RPS12: variants seen among roughly 807,000 people sequenced by gnomAD.
The protein encoded by RPS12 is ribosomal protein S12.
A neutral mutation model predicts 17.2 loss-of-function variants in RPS12; 1 was observed. The ratio of observed to expected loss-of-function variants is 0.06; its 90% CI spans 0.02 to 0.28. RPS12 has a LOEUF of 0.28. Among genes scored for constraint, RPS12 ranks in the 10% least tolerant of loss-of-function variants. The probability of loss-of-function intolerance (pLI) is 1.00; values close to 1 mark genes in which losing one functional copy is unlikely to be tolerated. For missense variants in RPS12, 146 were observed against 162.1 expected (o/e 0.90, Z 0.54); for synonymous variants, 67 against 54.0 (o/e 1.24, Z -1.06).
At position 132,815,036 on chromosome 6, in the gene RPS12, A is replaced by T; in HGVS notation, c.79A>T (p.Ile27Phe). 6.2e-7 allele frequency: 1 copy of T among 1,613,876 alleles called. No individual in the cohort carries two copies. Residue 27 changes from isoleucine (I) to phenylalanine (F), a missense_variant, in exon 3 of 6, where the codon ATC becomes TTC. Around this residue, in one of 2 missense-constraint regions of RPS12, gnomAD observed 117 missense variants for 104.6 expected, o/e 1.12. Coordinates refer to ENST00000230050, the MANE Select transcript of RPS12 (RefSeq NM_001016.4). ...ACAAGAGGTTCTGAAGACTGCCCTC[A>T]TCCACGATGGCCTAGCACGTGGAAT... ...ALQEVLKTALIHDGLARGIRE... is the reference protein window; with the variant it reads ...ALQEVLKTALFHDGLARGIRE...
chr6:132,814,887 C>A, intron 2 of RPS12, 85 bp from the exon 3 acceptor site: 1 of 1,404,942 alleles, frequency 7.1e-7, no homozygotes, highest in Admixed American at 1.7e-5. Context: ...GTAAGCGCGT[C>A]TGTTGTACAC....
At chr6:132,815,905 C>T (rs1230829899) in intron 3 of RPS12, 5 of 452,290 alleles carry the variant, frequency 1.1e-5, no homozygotes, top group African/African-American at 2.0e-5. Context: ...TGCAGTGGCG[C>T]GATCTCATTG....
In RPS12 at chr6:132,814,579, G is replaced by A. The variant is rs1037709887; in HGVS notation, c.-72G>A. ...GCGTGCGGATGAGGCCTCTTTCCCT[G>A]CCGCCGCCGAGTCGCGCGGAGGCGG... On this transcript the variant is annotated 5_prime_UTR_variant, in exon 1 of 6. Coordinates refer to ENST00000230050, the MANE Select transcript of RPS12 (RefSeq NM_001016.4). The A allele has an allele frequency of 9.3e-6, 7 of 755,534 alleles. No individual in the cohort carries two copies. The highest frequency in any genetic ancestry group is 2.4e-4 in the Middle Eastern group (1 of 4,120). 46.8% of individuals were successfully genotyped at this position (755,534 alleles called of 1,614,324 possible).
In RPS12 at chr6:132,817,551, A is replaced by C. The variant is rs1371291059; in HGVS notation, c.*9A>C. ...TCAAATGCAAGAAATGAAGAAATAA[A>C]TCTTTGGCTCACATTCCTCATGTCT... On this transcript the variant is annotated 3_prime_UTR_variant, in exon 6 of 6. Coordinates refer to ENST00000230050, the MANE Select transcript of RPS12 (RefSeq NM_001016.4). The C allele has an allele frequency of 6.2e-7, 1 of 1,607,744 alleles. No individual in the cohort carries two copies. The highest frequency in any genetic ancestry group is 1.3e-5 in the African/African-American group (1 of 74,782).
intron 3 of RPS12, chr6:132,815,641 G>A (rs1295601393): frequency 2.2e-6 from 1 of 456,658 alleles, no homozygotes; most frequent in South Asian, 1.5e-5. Context: ...ACCTACTCTT[G>A]AGCTGAATTT....
Position 132,814,760 on chromosome 6 carries a change from C to G in RPS12, c.-9C>G, listed in dbSNP as rs746094773. On this transcript the variant is annotated 5_prime_UTR_variant, in exon 2 of 6. Transcript: ENST00000230050. Reference sequence around the variant, plus strand: ...GTTCAAGATTCAACTTCACCCGTAACCCACCGCCATGGCCGAGGAAGGGTG... The same window carrying G: ...GTTCAAGATTCAACTTCACCCGTAAGCCACCGCCATGGCCGAGGAAGGGTG... 2 of 1,613,420 alleles carry G rather than the reference C, an allele frequency of 1.2e-6. No individual in the cohort carries two copies. The highest frequency in any genetic ancestry group is 2.2e-5 in the East Asian group (1 of 44,878).
At chr6:132,814,811 G>T (rs1308695001) in intron 2 of RPS12, 29 bp downstream of exon 2, 2 of 1,603,632 alleles carry the variant, frequency 1.2e-6, no homozygotes, top group Admixed American at 1.7e-5. Flanking sequence ...GTTGGAGTTG[G>T]GGTCGGGGTG....
rs562249470 is a variant in RPS12 at position 132,814,598 on chromosome 6, G to T, written c.-53G>T. 5 of 827,080 alleles carry T rather than the reference G, an allele frequency of 6.0e-6. No individual in the cohort carries two copies. Among genetic ancestry groups the T allele is most frequent in the Non-Finnish European group, 8.2e-6 (4 of 488,532 alleles). 51.2% of individuals were successfully genotyped at this position (827,080 alleles called of 1,614,324 possible). A position where few individuals can be genotyped will look rare whatever the true frequency, so the allele number is the denominator to read the frequency against. ...TTCCCTGCCGCCGCCGAGTCGCGCG[G>T]AGGCGGAGGCTTGGGGTAAGTTGAG... is the stretch of plus-strand genomic sequence containing the variant. On this transcript the variant is annotated 5_prime_UTR_variant, in exon 1 of 6. Transcript: ENST00000230050.
chr6:132,816,365 C>T (rs1010739733), intron 3 of RPS12, 96 bp from the exon 4 acceptor site: 39 of 868,350 alleles, frequency 4.5e-5, no homozygotes, highest in Admixed American at 1.7e-4. Context: ...GCTTATGTTT[C>T]GCAAGTGTTA....
chr6:132,816,052 T>C, intron 3 of RPS12: 1 of 391,066 alleles, frequency 2.6e-6, no homozygotes, highest in South Asian at 1.9e-5. Flanking sequence ...CTGGCTGGTC[T>C]GGTACTCCTG....
chr6:132,816,872 T>C (rs1253431199), intron 4 of RPS12, 88 bp from the exon 5 acceptor site: 2 of 928,180 alleles, frequency 2.2e-6, no homozygotes, highest in African/African-American at 3.2e-5. Flanking sequence ...CCCTTCTGAT[T>C]ACAGCCACCT....
intron 4 of RPS12, 187 bp from the exon 5 acceptor site, chr6:132,816,772 AT>A (rs1461361199): frequency 1.3e-6 from 1 of 770,044 alleles, no homozygotes; most frequent in Non-Finnish European, 2.4e-6. Flanking sequence ...TACAACAAAG[AT>A]TAGTAGCAGG....
In RPS12 at chr6:132,814,725, T is replaced by C. The variant is rs12202302; in HGVS notation, c.-37-7T>C. 10 of 1,605,920 alleles carry C rather than the reference T, an allele frequency of 6.2e-6. No individual in the cohort carries two copies. The highest frequency in any genetic ancestry group is 7.7e-6 in the Non-Finnish European group (9 of 1,173,182). ...TTCTTTAACAAGTCAATGCTTTTGT[T>C]TTTTAGTGCGTTCAAGATTCAACTT... On this transcript the variant is annotated splice_polypyrimidine_tract_variant and splice_region_variant and intron_variant, in intron 1 of 5. Transcript: ENST00000230050.
intron 2 of RPS12, 34 bp from the exon 3 acceptor site, chr6:132,814,938 T>G: frequency 6.7e-7 from 1 of 1,497,500 alleles, no homozygotes; most frequent in South Asian, 1.1e-5. Flanking sequence ...GGTGTGAGGA[T>G]TTTAACTGAT....
chr6:132,817,381 A>G (rs777816004), intron 5 of RPS12, 99 bp from the exon 6 acceptor site: 6 of 865,178 alleles, frequency 6.9e-6, no homozygotes, highest in East Asian at 2.4e-5. Context: ...TTTATAAGAC[A>G]TAGCTAATTG....
chr6:132,815,423 T>G, intron 3 of RPS12: 1 of 524,186 alleles, frequency 1.9e-6, no homozygotes, highest in Non-Finnish European at 3.7e-6. Context: ...ATCTGGCAGA[T>G]AGATGAGATG....
chr6:132,815,986 C>T (rs1782048654), intron 3 of RPS12: 1 of 444,286 alleles, frequency 2.3e-6, no homozygotes, highest in Non-Finnish European at 4.5e-6. Flanking sequence ...CACACGCCAC[C>T]ATGCCCAGCT....
rs777783877 is a variant in RPS12, at chr6:132,814,999, T to A, written c.42T>A (p.Val14=). The change falls in exon 3 of 6, where the codon GTT becomes GTA. Residue 14 remains valine (V), a synonymous_variant. Transcript: ENST00000230050. The part of the protein sequence containing the change: ...EGIAAGGVMD[V]NTALQEVLKT... Reference sequence around the variant, plus strand: ...TTGCTGCTGGAGGTGTAATGGACGTTAATACTGCTTTACAAGAGGTTCTGA... The same window carrying A: ...TTGCTGCTGGAGGTGTAATGGACGTAAATACTGCTTTACAAGAGGTTCTGA... 1 of 1,613,294 alleles carries A rather than the reference T, an allele frequency of 6.2e-7. No individual in the cohort carries two copies. Among genetic ancestry groups the A allele is most frequent in the African/African-American group, 1.3e-5 (1 of 74,918 alleles).
rs754326991 is a variant in RPS12 at position 132,814,806 on chromosome 6, A to G, written c.14+24A>G. The stretch of plus-strand genomic sequence containing the variant: ...GGGTGAGCCCAGGGGCCGGGGTTGG[A>G]GTTGGGGTCGGGGTGCGGCTGAGGC... On this transcript the variant is annotated intron_variant, in intron 2 of 5. Coordinates refer to ENST00000230050, the MANE Select transcript of RPS12 (RefSeq NM_001016.4). 5 of 1,608,286 alleles carry G rather than the reference A, an allele frequency of 3.1e-6. 1 individual carries two copies. The South Asian group carries it at 5.5e-5, about 18-fold the overall frequency.
Sources: allele counts gnomAD v4.1 joint callset, GRCh38; gene constraint gnomAD v4.1.1; regional missense constraint gnomAD v4.1.1; transcripts MANE v1.5; gene names NCBI Gene and HGNC (gene_info 2026-07-23, HGNC 2026-07-21).